The following RPS6KB1 variants were observed in gnomAD, a reference collection of about 807,000 sequenced individuals.
RPS6KB1 encodes ribosomal protein S6 kinase B1, also known as ribosomal protein S6 kinase beta-1.
A neutral mutation model predicts 70.2 loss-of-function variants in RPS6KB1; 12 were observed. The ratio of observed to expected loss-of-function variants is 0.17; its 90% CI spans 0.11 to 0.28. The LOEUF (loss-of-function observed/expected upper bound fraction) is 0.28, where lower values mean the gene tolerates loss of function less well. Among genes scored for constraint, RPS6KB1 ranks in the 10% least tolerant of loss-of-function variants. RPS6KB1 has a pLI of 1.00. For synonymous variants in RPS6KB1, 175 were observed against 211.2 expected (o/e 0.83, Z 1.49); for missense variants, 270 against 646.6 (o/e 0.42, Z 6.32).
chr17:59,900,171 A>AACACACACACACACACACAC (rs759914423), intron 1 of RPS6KB1, among the ~76,000 whole-genome samples: 35 of 102,494 alleles, frequency 3.4e-4, no homozygotes, highest in East Asian at 6.3e-4. Context: ...CTAATTGCTA[A>AACACACACACACACACACAC]ACACACACAC....
intron 1 of RPS6KB1, among the ~76,000 whole-genome samples, chr17:59,906,329 T>G (rs1224038415): frequency 1.3e-5 from 2 of 152,112 alleles, no homozygotes; most frequent in Admixed American, 1.3e-4. Context: ...CAAGATTGTA[T>G]CAGTTATTTT....
intron 4 of RPS6KB1, among the ~76,000 whole-genome samples, chr17:59,916,006 A>G (rs1439860340): frequency 2.6e-5 from 4 of 151,688 alleles, no homozygotes; most frequent in Non-Finnish European, 5.9e-5. Flanking sequence ...GCTGGTCTCG[A>G]ACTCAGGTGA....
intron 1 of RPS6KB1, among the ~76,000 whole-genome samples, chr17:59,897,996 T>G (rs760683350): frequency 6.6e-6 from 1 of 151,758 alleles, no homozygotes; most frequent in Non-Finnish European, 1.5e-5. Flanking sequence ...TGTTTAAATA[T>G]CTCAGAGGAA....
rs1177488379 is a variant in RPS6KB1, at chr17:59,950,557, G to A, written c.*3769G>A. 1 of 151,038 alleles carries A rather than the reference G, an allele frequency of 6.6e-6. No individual in the cohort carries two copies. The highest frequency in any genetic ancestry group is 1.5e-5 in the Non-Finnish European group (1 of 67,962). 9.4% of individuals were successfully genotyped at this position (151,038 alleles called of 1,614,324 possible). ...GTTGTCATATAAATAAACTATGTAT[G>A]TAAGGAATGGGTTAAAAGCTGTTCT... is the stretch of plus-strand genomic sequence containing the variant. On this transcript the variant is annotated 3_prime_UTR_variant, in exon 15 of 15. Transcript: ENST00000225577.
At chr17:59,909,217 C>T (rs1212785433) in intron 1 of RPS6KB1, among the ~76,000 whole-genome samples, 6 of 135,402 alleles carry the variant, frequency 4.4e-5, no homozygotes, top group East Asian at 2.2e-4. Flanking sequence ...CATGAGCCAC[C>T]GCACGTGGCT....
chr17:59,903,691 T>G (rs1296906955), intron 1 of RPS6KB1, among the ~76,000 whole-genome samples: 1 of 152,098 alleles, frequency 6.6e-6, no homozygotes, highest in Admixed American at 6.6e-5. Flanking sequence ...CCAGTTTCTC[T>G]CATCCTCCCC....
rs774769075 is a variant in RPS6KB1 at position 59,926,536 on chromosome 17, C to G, written c.483C>G (p.Ala161=). The change falls in exon 5 of 15, where the codon GCC becomes GCG. Residue 161 remains alanine, a synonymous_variant. Transcript: ENST00000225577. ...KHPFIVDLIY[A]FQTGGKLYLI... Reference sequence around the variant, plus strand: ...CCTTCATCGTGGATTTAATTTATGCCTTTCAGACTGGTGGAAAACTCTACC... The same window carrying G: ...CCTTCATCGTGGATTTAATTTATGCGTTTCAGACTGGTGGAAAACTCTACC... The G allele has an allele frequency of 6.2e-7, 1 of 1,612,410 alleles. No individual in the cohort carries two copies. The highest frequency in any genetic ancestry group is 1.7e-5 in the Admixed American group (1 of 59,960).
rs1234751181 is a variant in RPS6KB1, at chr17:59,950,412, T to G, written c.*3624T>G. On this transcript the variant is annotated 3_prime_UTR_variant, in exon 15 of 15. Transcript: ENST00000225577. ...ATGTAAATAGAAATTAAATGCAAAT[T>G]TGAATGAACATAAATAGAAGTGATT... The G allele has an allele frequency of 6.6e-6, 1 of 152,590 alleles. No individual in the cohort carries two copies. Among genetic ancestry groups the G allele is most frequent in the Non-Finnish European group, 1.5e-5 (1 of 67,974 alleles). The allele number at this position is 152,590 out of a possible 1,614,324, so 9.5% of individuals were successfully genotyped here.
At chr17:59,938,975 T>A (rs2044420112) in intron 12 of RPS6KB1, among the ~76,000 whole-genome samples, 2 of 152,194 alleles carry the variant, frequency 1.3e-5, no homozygotes, top group Non-Finnish European at 2.9e-5. Context: ...TATAATTTCA[T>A]CAGGTGTTTG....
At chr17:59,942,630 C>T (rs988528503) in intron 13 of RPS6KB1, among the ~76,000 whole-genome samples, 1 of 152,070 alleles carries the variant, frequency 6.6e-6, no homozygotes, top group Non-Finnish European at 1.5e-5. Context: ...GGATTTGTCA[C>T]TAACTTAATT....
Position 59,947,355 on chromosome 17 carries a change from A to C in RPS6KB1, c.*567A>C. The stretch of plus-strand genomic sequence containing the variant: ...TTTTTGATTCAGCTCATTATGAAAA[A>C]CATCCCAAACTTTAAAATGCGAAAT... On this transcript the variant is annotated 3_prime_UTR_variant, in exon 15 of 15. Coordinates refer to ENST00000225577, the MANE Select transcript of RPS6KB1 (RefSeq NM_003161.4). 1 of 1,171,312 alleles carries C rather than the reference A, an allele frequency of 8.5e-7. No homozygotes were observed. The highest frequency in any genetic ancestry group is 1.1e-6 in the Non-Finnish European group (1 of 937,054). The allele number at this position is 1,171,312 out of a possible 1,614,324, so 72.6% of individuals were successfully genotyped here. A position where few individuals can be genotyped will look rare whatever the true frequency, so the allele number is the denominator to read the frequency against.
Position 59,934,388 on chromosome 17 carries a change from T to A in RPS6KB1, c.780-46T>A. The A allele has an allele frequency of 6.5e-7, 1 of 1,540,008 alleles. No individual in the cohort carries two copies. Among genetic ancestry groups the A allele is most frequent in the Non-Finnish European group, 9.0e-7 (1 of 1,113,226 alleles). ...GTTTTTAAAATTCTAATTCAGATGA[T>A]ATGCAAATGGGTGAATTTTTAAGCA... On this transcript the variant is annotated intron_variant, in intron 8 of 14. Transcript: ENST00000225577. This position sits in a 1 kb window ranked among gnomAD's most constrained non-coding sequence, Gnocchi z 4.8.
intron 1 of RPS6KB1, among the ~76,000 whole-genome samples, chr17:59,900,232 C>A (rs990859332): frequency 2.3e-4 from 24 of 104,896 alleles, no homozygotes; most frequent in African/African-American, 8.2e-4. Context: ...ACACACACAC[C>A]CCTATGTGTT....
At chr17:59,908,613 A>T (rs1190603566) in intron 1 of RPS6KB1, among the ~76,000 whole-genome samples, 3 of 106,190 alleles carry the variant, frequency 2.8e-5, no homozygotes, top group East Asian at 6.2e-4. Context: ...TGTAAAAAAA[A>T]TTTTTTTTTT....
At chr17:59,921,064 A>G (rs1197904056) in intron 4 of RPS6KB1, among the ~76,000 whole-genome samples, 2 of 152,096 alleles carry the variant, frequency 1.3e-5, no homozygotes, top group East Asian at 1.9e-4. Context: ...ATCAGGCCTG[A>G]CCATATTAGG....
intron 1 of RPS6KB1, among the ~76,000 whole-genome samples, chr17:59,909,605 G>A (rs1383065665): frequency 6.6e-6 from 1 of 151,438 alleles, no homozygotes; most frequent in African/African-American, 2.4e-5. Flanking sequence ...GGCCGGGTGT[G>A]ATGGCTCACG....
chr17:59,933,669 G>A (rs1296855053), intron 7 of RPS6KB1, among the ~76,000 whole-genome samples: 1 of 152,130 alleles, frequency 6.6e-6, no homozygotes, highest in Non-Finnish European at 1.5e-5. Context: ...CTAATTGGTA[G>A]CATTGGGCAG....
chr17:59,914,978 A>G (rs1392635813), intron 4 of RPS6KB1, among the ~76,000 whole-genome samples: 2 of 150,676 alleles, frequency 1.3e-5, no homozygotes, highest in Non-Finnish European at 3.0e-5. Context: ...GAAAAAATGT[A>G]TTTATTTTCT....
rs1178824470 is a variant in RPS6KB1 at position 59,893,149 on chromosome 17, GGCA to G, written c.-33_-31del. 1.3e-6 allele frequency: 2 copies of G among 1,598,856 alleles called. No individual in the cohort carries two copies. The highest frequency in any genetic ancestry group is 4.5e-5 in the East Asian group (2 of 44,384). ...CTGAGCCTAAGCAGCCGGTGATGGCGGCAGCGGCTGTGGTGGCTGCGGCGGGTC... is the reference window on the plus strand; with the variant it reads ...CTGAGCCTAAGCAGCCGGTGATGGCGGCGGCTGTGGTGGCTGCGGCGGGTC... On this transcript the variant is annotated 5_prime_UTR_variant, in exon 1 of 15. Coordinates refer to ENST00000225577, the MANE Select transcript of RPS6KB1 (RefSeq NM_003161.4). The surrounding 1 kb of genome is among the most constrained non-coding windows in gnomAD (Gnocchi z 4.1).
Sources: gnomAD v4.1 joint callset for allele counts (sites outside exome capture counted in the v4.1 genomes callset) on GRCh38, gnomAD v4.1.1 for gene constraint, Gnocchi (gnomAD v3.1) non-coding constraint, MANE v1.5 for transcripts, NCBI Gene and HGNC (gene_info 2026-07-23, HGNC 2026-07-21) for gene names.